GNAL: variants seen among roughly 807,000 people sequenced by gnomAD.
GNAL encodes G protein subunit alpha L, also known as guanine nucleotide-binding protein G(olf) subunit alpha.
In GNAL, 18 loss-of-function variants were observed where a neutral mutation model predicts 55.1. The ratio of observed to expected loss-of-function variants is 0.33; its 90% confidence interval spans 0.23 to 0.48. GNAL has a LOEUF of 0.48. Among genes scored for constraint, GNAL ranks in the 20% least tolerant of loss-of-function variants. The probability of loss-of-function intolerance (pLI) is 0.99; values close to 1 mark genes in which losing one functional copy is unlikely to be tolerated. For missense variants in GNAL, 412 were observed against 614.1 expected (o/e 0.67, Z 3.48); for synonymous variants, 253 against 237.0 (o/e 1.07, Z -0.62).
At chr18:11,849,027 C>T (rs2035796681) in intron 5 of GNAL, among the ~76,000 whole-genome samples, 1 of 152,140 alleles carries the variant, frequency 6.6e-6, no homozygotes, top group African/African-American at 2.4e-5. Flanking sequence ...GAACTGGAGA[C>T]ATTTATAGTA....
chr18:11,787,680 C>T (rs1201626483), intron 4 of GNAL, among the ~76,000 whole-genome samples: 2 of 152,146 alleles, frequency 1.3e-5, no homozygotes, highest in African/African-American at 4.8e-5. Context: ...CGAGACCATC[C>T]TGGCTAACAC....
rs543217812 is a variant in GNAL, at chr18:11,884,203, A to G, written c.*3068A>G. 7.6e-4 allele frequency: 372 copies of G among 486,634 alleles called. 2 individuals are homozygous for G. The highest frequency in any genetic ancestry group is 2.3e-3 in the Middle Eastern group (4 of 1,730). The allele number at this position is 486,634 out of a possible 1,614,324, so 30.1% of individuals were successfully genotyped here. On this transcript the variant is annotated 3_prime_UTR_variant, in exon 12 of 12. Transcript: ENST00000334049. ...ACATACTGTACAGATGCAACCTTTG[A>G]TGATACATATATTTGATAAAAATGA...
chr18:11,744,782 C>T (rs1419276009), intron 1 of GNAL, among the ~76,000 whole-genome samples: 3 of 152,262 alleles, frequency 2.0e-5, no homozygotes, highest in Non-Finnish European at 4.4e-5. Flanking sequence ...GCAAACATGA[C>T]TCACTGCAGC....
intron 1 of GNAL, among the ~76,000 whole-genome samples, chr18:11,712,903 G>A (rs371323471): frequency 3.9e-5 from 6 of 152,138 alleles, no homozygotes; most frequent in East Asian, 1.9e-4. Flanking sequence ...AAACTCCCTC[G>A]TGGGCAAGGG....
chr18:11,882,160 C>G lies in GNAL; in HGVS notation c.*1025C>G, dbSNP rs2036710518. 1 of 152,226 alleles carries G rather than the reference C, an allele frequency of 6.6e-6. No homozygotes were observed. The highest frequency in any genetic ancestry group is 2.1e-4 in the South Asian group (1 of 4,830). 9.4% of individuals were successfully genotyped at this position (152,226 alleles called of 1,614,324 possible). On this transcript the variant is annotated 3_prime_UTR_variant, in exon 12 of 12. Coordinates refer to ENST00000334049, the MANE Select transcript of GNAL (RefSeq NM_182978.4). ...CAACATCACAAGCTGTTGCAACCAC[C>G]TGCTGTTACTTCTCTGAGCTGTAAA...
intron 5 of GNAL, among the ~76,000 whole-genome samples, chr18:11,832,118 G>T (rs1184482967): frequency 6.6e-6 from 1 of 152,138 alleles, no homozygotes; most frequent in East Asian, 1.9e-4. Flanking sequence ...AAGTGATTAT[G>T]TAACCATGGA....
chr18:11,705,445 G>T (rs941184203), intron 1 of GNAL, among the ~76,000 whole-genome samples: 1 of 152,222 alleles, frequency 6.6e-6, no homozygotes, highest in Non-Finnish European at 1.5e-5. Context: ...TGGAGATTCT[G>T]ATTTCAGTTC....
intron 1 of GNAL, among the ~76,000 whole-genome samples, chr18:11,742,218 G>A (rs2032591661): frequency 6.6e-6 from 1 of 152,198 alleles, no homozygotes; most frequent in South Asian, 2.1e-4. Context: ...AGTCTTTGTT[G>A]ACCGTACTAT....
At chr18:11,758,718 T>A (rs1197498535) in intron 4 of GNAL, among the ~76,000 whole-genome samples, 1 of 152,214 alleles carries the variant, frequency 6.6e-6, no homozygotes, top group African/African-American at 2.4e-5. Flanking sequence ...AGCTTCAGGT[T>A]ATCTTTGTTC....
chr18:11,779,497 G>C (rs1568023499), intron 4 of GNAL, among the ~76,000 whole-genome samples: 1 of 152,124 alleles, frequency 6.6e-6, no homozygotes, highest in African/African-American at 2.4e-5. Context: ...AAACTTCCTG[G>C]AGCAGCCTGA....
intron 5 of GNAL, among the ~76,000 whole-genome samples, chr18:11,831,440 C>T (rs568078499): frequency 1.9e-4 from 29 of 152,188 alleles, no homozygotes; most frequent in Admixed American, 7.8e-4. Flanking sequence ...AATATGTGTG[C>T]GGATAGGGAC....
At chr18:11,857,715 G>A in intron 5 of GNAL, 2 of 985,382 alleles carry the variant, frequency 2.0e-6, no homozygotes, top group Non-Finnish European at 2.4e-6. Flanking sequence ...GCGAGTCTGG[G>A]AACCCCTTTT....
chr18:11,741,113 T>C (rs1000108106), intron 1 of GNAL, among the ~76,000 whole-genome samples: 3 of 152,268 alleles, frequency 2.0e-5, no homozygotes, highest in African/African-American at 7.2e-5. Flanking sequence ...TCAGTCATTA[T>C]ATGCAGATTA....
chr18:11,740,771 A>G (rs545551616), intron 1 of GNAL, among the ~76,000 whole-genome samples: 2 of 152,346 alleles, frequency 1.3e-5, no homozygotes, highest in South Asian at 4.1e-4. Flanking sequence ...TTTGAATGTC[A>G]GTCTCAACTT....
intron 1 of GNAL, among the ~76,000 whole-genome samples, chr18:11,695,363 C>T (rs1186875298): frequency 2.6e-5 from 4 of 152,230 alleles, no homozygotes; most frequent in African/African-American, 9.6e-5. Context: ...GTGCACTAGG[C>T]TTTCGGGGCT....
chr18:11,877,629 C>T (rs1339313995), intron 11 of GNAL, among the ~76,000 whole-genome samples: 1 of 108,744 alleles, frequency 9.2e-6, no homozygotes, highest in African/African-American at 3.9e-5. Flanking sequence ...TTCCCAAGGG[C>T]GATGTTCCCG....
intron 4 of GNAL, among the ~76,000 whole-genome samples, chr18:11,817,009 C>T (rs569747542): frequency 6.6e-6 from 1 of 152,128 alleles, no homozygotes; most frequent in East Asian, 1.9e-4. Flanking sequence ...CACGGCTTGG[C>T]TCCAAAGGAG....
chr18:11,812,885 C>T (rs916911187), intron 4 of GNAL, among the ~76,000 whole-genome samples: 21 of 151,772 alleles, frequency 1.4e-4, no homozygotes, highest in Non-Finnish European at 2.2e-4. Context: ...AAAAAGTTTA[C>T]TTGGAAAAAA....
chr18:11,814,847 G>A (rs1288397558), intron 4 of GNAL, among the ~76,000 whole-genome samples: 1 of 150,600 alleles, frequency 6.6e-6, no homozygotes, highest in Non-Finnish European at 1.5e-5. Flanking sequence ...TCAGTGAACC[G>A]AGATCACGCC....
Sources: gnomAD v4.1 joint callset for allele counts (sites outside exome capture counted in the v4.1 genomes callset) on GRCh38, gnomAD v4.1.1 for gene constraint, MANE v1.5 for transcripts, NCBI Gene and HGNC (gene_info 2026-07-23, HGNC 2026-07-21) for gene names.